Variants in TRDN observed in about 807,000 individuals in gnomAD.
The protein encoded by TRDN is triadin.
Under a neutral mutation model 149.7 loss-of-function variants are expected in TRDN, and 161 were observed. That is an observed-to-expected ratio of 1.08 (90% CI 0.95 to 1.23). The LOEUF (loss-of-function observed/expected upper bound fraction) is 1.23. Among genes scored for constraint, TRDN ranks in the 50% most tolerant of loss-of-function variants. TRDN has a pLI of 0.00. For synonymous variants in TRDN, 294 were observed against 250.5 expected (o/e 1.17, Z -1.64); for missense variants, 896 against 823.5 (o/e 1.09, Z -1.08).
At position 123,249,595 on chromosome 6, in the gene TRDN, A is replaced by C. The variant is rs541127692; in HGVS notation, c.1975+2817T>G. ...ATTTATACACCACAGAATACTATGA[A>C]GCCATAAAAAACAGTAAAATCATGT... On this transcript the variant is annotated intron_variant, in intron 38 of 40. Transcript: ENST00000334268. Among the ~76,000 whole-genome samples the C allele has an allele frequency of 2.6e-5, 4 of 152,304 alleles. No homozygotes were observed. The East Asian group carries it at 7.7e-4, about 29-fold the overall frequency.
At chr6:123,456,432 G>A (rs1035603670) in intron 10 of TRDN, among the ~76,000 whole-genome samples, 3 of 151,862 alleles carry the variant, frequency 2.0e-5, no homozygotes, top group African/African-American at 7.3e-5. Context: ...AATTACAAAT[G>A]TTTTTATATA....
intron 21 of TRDN, among the ~76,000 whole-genome samples, chr6:123,343,119 TG>T (rs1780125043): frequency 6.6e-6 from 1 of 152,024 alleles, no homozygotes; most frequent in Non-Finnish European, 1.5e-5. Context: ...ATAGTCTTCC[TG>T]GACAAAAAAG....
At chr6:123,496,904 C>T (rs191913835) in intron 9 of TRDN, among the ~76,000 whole-genome samples, 143 of 152,180 alleles carry the variant, frequency 9.4e-4, no homozygotes, top group African/African-American at 3.3e-3. Context: ...AGATGATTCA[C>T]TGCTTCACTT....
intron 4 of TRDN, among the ~76,000 whole-genome samples, chr6:123,535,605 C>T (rs922664945): frequency 3.9e-5 from 6 of 152,134 alleles, no homozygotes; most frequent in African/African-American, 1.2e-4. Context: ...TAAACTCTGA[C>T]TTTCATGGTT....
intron 40 of TRDN, among the ~76,000 whole-genome samples, chr6:123,220,883 A>T (rs1562216021): frequency 6.6e-6 from 1 of 151,820 alleles, no homozygotes; most frequent in Non-Finnish European, 1.5e-5. Flanking sequence ...GCAAATACAG[A>T]TTTAAAATTT....
At chr6:123,591,717 T>C (rs1039193730) in intron 1 of TRDN, among the ~76,000 whole-genome samples, 7 of 152,210 alleles carry the variant, frequency 4.6e-5, no homozygotes, top group African/African-American at 9.6e-5. Flanking sequence ...TGTTTTGTTT[T>C]TATCATTTAA....
chr6:123,591,301 A>C (rs1374438945), intron 1 of TRDN, among the ~76,000 whole-genome samples: 1 of 152,120 alleles, frequency 6.6e-6, no homozygotes, highest in East Asian at 1.9e-4. Flanking sequence ...GCTGGGGTGC[A>C]GTGGCACGAT....
rs146338114 is a variant in TRDN, at chr6:123,628,285, C to A, written c.22+8469G>T. Among the ~76,000 whole-genome samples the A allele has an allele frequency of 9.8e-4, 149 of 151,846 alleles. 1 individual carries two copies. The highest frequency in any genetic ancestry group is 3.5e-3 in the African/African-American group (147 of 41,426). ...AGGCTGTTGTAGGTTATTAATTTTC[C>A]TAATCTCAATATTGTTGTGTCTCGG... On this transcript the variant is annotated intron_variant, in intron 1 of 40. Transcript: ENST00000334268.
intron 2 of TRDN, among the ~76,000 whole-genome samples, chr6:123,553,556 C>T (rs1012215885): frequency 6.6e-6 from 1 of 152,066 alleles, no homozygotes; most frequent in African/African-American, 2.4e-5. Flanking sequence ...GTGTATTAGT[C>T]CGTTTCCATA....
At chr6:123,554,589 T>C (rs1041487138) in intron 2 of TRDN, among the ~76,000 whole-genome samples, 7 of 152,164 alleles carry the variant, frequency 4.6e-5, no homozygotes, top group Non-Finnish European at 7.4e-5. Flanking sequence ...TACATGTCAA[T>C]TTTTGCTTAA....
At chr6:123,327,288 T>C (rs1047602440) in intron 23 of TRDN, among the ~76,000 whole-genome samples, 2 of 152,014 alleles carry the variant, frequency 1.3e-5, no homozygotes, top group Non-Finnish European at 2.9e-5. Context: ...CTATAAAAAA[T>C]AACTATATTT....
intron 24 of TRDN, among the ~76,000 whole-genome samples, chr6:123,294,359 G>T (rs1057213092): frequency 3.9e-5 from 6 of 151,998 alleles, no homozygotes; most frequent in African/African-American, 1.5e-4. Context: ...TACTAATATT[G>T]GCCCTTGCTT....
chr6:123,288,493 G>A (rs1777879144), intron 24 of TRDN, among the ~76,000 whole-genome samples: 1 of 151,990 alleles, frequency 6.6e-6, no homozygotes, highest in Non-Finnish European at 1.5e-5. Context: ...CTGATAAAGG[G>A]CTAAAAGCAA....
At chr6:123,399,690 T>C (rs1312697672) in intron 12 of TRDN, among the ~76,000 whole-genome samples, 1 of 152,144 alleles carries the variant, frequency 6.6e-6, no homozygotes, top group Non-Finnish European at 1.5e-5. Context: ...CTTTCTACCT[T>C]CTATAGCAAC....
chr6:123,285,044 C>T (rs541231519), intron 24 of TRDN, among the ~76,000 whole-genome samples: 13 of 152,144 alleles, frequency 8.5e-5, no homozygotes, highest in Non-Finnish European at 1.5e-4. Context: ...ATATCACATG[C>T]TCATGGATGG....
At chr6:123,248,034 C>G (rs1201038094) in intron 38 of TRDN, among the ~76,000 whole-genome samples, 2 of 152,084 alleles carry the variant, frequency 1.3e-5, no homozygotes, top group Non-Finnish European at 2.9e-5. Context: ...GTTGGGAAAA[C>G]TGGCTAGTCA....
intron 23 of TRDN, among the ~76,000 whole-genome samples, chr6:123,321,827 G>A (rs1190467052): frequency 6.7e-6 from 1 of 148,928 alleles, no homozygotes; most frequent in African/African-American, 2.5e-5. Flanking sequence ...TTCTTCTGCT[G>A]CAGACACAAT....
intron 19 of TRDN, among the ~76,000 whole-genome samples, chr6:123,367,108 A>G (rs1457239409): frequency 6.6e-6 from 1 of 152,162 alleles, no homozygotes; most frequent in African/African-American, 2.4e-5. Flanking sequence ...AGCTGCCCTG[A>G]AGTCATAATC....
chr6:123,598,785 T>G (rs946871727), intron 1 of TRDN, among the ~76,000 whole-genome samples: 1 of 151,950 alleles, frequency 6.6e-6, no homozygotes, highest in Non-Finnish European at 1.5e-5. Flanking sequence ...ACAAAAAGAG[T>G]TCGCCAATTT....
Sources: gnomAD v4.1 joint callset for allele counts (sites outside exome capture counted in the v4.1 genomes callset) on GRCh38, gnomAD v4.1.1 for gene constraint, MANE v1.5 for transcripts, NCBI Gene and HGNC (gene_info 2026-07-23, HGNC 2026-07-21) for gene names.